Variants in HIKESHI observed in about 807,000 individuals in gnomAD.
HIKESHI encodes the protein heat shock protein nuclear import factor hikeshi, also known as protein Hikeshi.
Under a neutral mutation model 25.7 loss-of-function variants are expected in HIKESHI, and 13 were observed. The ratio of observed to expected loss-of-function variants is 0.51; its 90% CI spans 0.33 to 0.80. The LOEUF (loss-of-function observed/expected upper bound fraction) is 0.80, where lower values mean the gene tolerates loss of function less well. HIKESHI is among the 30% of genes least tolerant of loss of function. The pLI is 0.02. For synonymous variants in HIKESHI, 76 were observed against 78.7 expected (o/e 0.97, Z 0.18); for missense variants, 174 against 229.5 (o/e 0.76, Z 1.56).
intron 2 of HIKESHI, among the ~76,000 whole-genome samples, chr11:86,319,410 G>T (rs1228012472): frequency 6.8e-6 from 1 of 147,164 alleles, no homozygotes; most frequent in Non-Finnish European, 1.5e-5. Flanking sequence ...GCTAATTTGT[G>T]TTTTTTTTTT....
intron 3 of HIKESHI, among the ~76,000 whole-genome samples, chr11:86,341,488 C>CTTTTTTTTTTTTTT (rs112151717): frequency 7.0e-6 from 1 of 142,810 alleles, no homozygotes. Context: ...TGGAATTCTC[C>CTTTTTTTTTTTTTT]TTTTTTTTTT....
At chr11:86,321,277 G>A (rs980996363) in intron 2 of HIKESHI, among the ~76,000 whole-genome samples, 1 of 151,868 alleles carries the variant, frequency 6.6e-6, no homozygotes, top group African/African-American at 2.4e-5. Context: ...TTTATTGCTG[G>A]GTAGTATTCC....
chr11:86,306,160 T>C (rs1730766348), intron 1 of HIKESHI, 85 bp from the exon 2 acceptor site: 1 of 844,422 alleles, frequency 1.2e-6, no homozygotes, highest in Non-Finnish European at 1.9e-6. Flanking sequence ...TGGATTATGC[T>C]GGTAATATAA....
rs1160846136 is a variant in HIKESHI, at chr11:86,306,613, T to C, written c.268+131T>C. 12 of 589,122 alleles carry C rather than the reference T, an allele frequency of 2.0e-5. No homozygotes were observed. The East Asian group carries it at 3.2e-4, about 16-fold the overall frequency. The allele number at this position is 589,122 out of a possible 1,614,324, so 36.5% of individuals were successfully genotyped here. A position where few individuals can be genotyped will look rare whatever the true frequency, so the allele number is the denominator to read the frequency against. On this transcript the variant is annotated intron_variant, in intron 2 of 4. Transcript: ENST00000278483. Reference sequence around the variant, plus strand: ...GTTAAAGTAATACAAAACATTGTTTTTTAAAAAAGACAATACAGAAACATT... The same window carrying C: ...GTTAAAGTAATACAAAACATTGTTTCTTAAAAAAGACAATACAGAAACATT...
At chr11:86,327,079 A>T (rs529267481) in intron 2 of HIKESHI, among the ~76,000 whole-genome samples, 1 of 152,276 alleles carries the variant, frequency 6.6e-6, no homozygotes, top group South Asian at 2.1e-4. Context: ...AACCAAAACA[A>T]AACAAAATGG....
chr11:86,310,992 A>G (rs551287120), intron 2 of HIKESHI, among the ~76,000 whole-genome samples: 18 of 152,226 alleles, frequency 1.2e-4, no homozygotes, highest in Non-Finnish European at 2.4e-4. Context: ...TTTTGCATCG[A>G]TGTTCATCAG....
At position 86,307,028 on chromosome 11, in the gene HIKESHI, T is replaced by A. The variant is rs916747520; in HGVS notation, c.268+546T>A. Among the ~76,000 whole-genome samples, 81 of 143,616 alleles carry A rather than the reference T, an allele frequency of 5.6e-4. 2 individuals are homozygous for A. Among genetic ancestry groups the A allele is most frequent in the African/African-American group, 1.4e-3 (55 of 39,350 alleles). 94.2% of individuals were successfully genotyped at this position (143,616 alleles called of 152,430 possible). ...GAAAAAAAAAATATATATATATATA[T>A]AAATATATATATTATGTATCAAATA... is the stretch of plus-strand genomic sequence containing the variant. On this transcript the variant is annotated intron_variant, in intron 2 of 4. Coordinates refer to ENST00000278483, the MANE Select transcript of HIKESHI (RefSeq NM_016401.4).
Position 86,306,396 on chromosome 11 carries a change from C to G in HIKESHI, c.182C>G (p.Ser61Ter). ...TCTGTCTACTTTTCTTATCCTGATT[C>G]AAATGGAATGCCAGTATGGCAACTC... ...GGSVYFSYPD[S>*]NGMPVWQLLG... Residue 61 changes from serine to a stop codon, truncating the protein, a stop_gained, in exon 2 of 5, where the codon TCA (serine) becomes TGA (stop). Coordinates refer to ENST00000278483, the MANE Select transcript of HIKESHI (RefSeq NM_016401.4). LOFTEE classifies it high-confidence loss of function. The G allele has an allele frequency of 6.2e-7, 1 of 1,614,026 alleles. No homozygotes were observed. The highest frequency in any genetic ancestry group is 8.5e-7 in the Non-Finnish European group (1 of 1,179,910).
chr11:86,323,345 GA>G (rs1286579069), intron 2 of HIKESHI, among the ~76,000 whole-genome samples: 1 of 152,054 alleles, frequency 6.6e-6, no homozygotes, highest in Non-Finnish European at 1.5e-5. Context: ...ATATCAGTTG[GA>G]AAACAGAAAG....
chr11:86,306,310 T>A lies in HIKESHI; in HGVS notation c.96T>A (p.Ser32Arg). The A allele has an allele frequency of 6.2e-7, 1 of 1,614,142 alleles. No homozygotes were observed. Reference protein sequence around the residue: ...KFVFDLPDYESINHVVVFMLG... With the variant: ...KFVFDLPDYERINHVVVFMLG... ...TTTTTGACTTACCTGATTATGAAAGTATCAACCATGTTGTGGTTTTTATGC... is the reference window on the plus strand; with the variant it reads ...TTTTTGACTTACCTGATTATGAAAGAATCAACCATGTTGTGGTTTTTATGC... Residue 32 changes from serine (S) to arginine (R), a missense_variant, in exon 2 of 5, where the codon AGT (serine) becomes AGA (arginine). Transcript: ENST00000278483.
At chr11:86,319,444 A>T (rs1947095910) in intron 2 of HIKESHI, among the ~76,000 whole-genome samples, 1 of 148,700 alleles carries the variant, frequency 6.7e-6, no homozygotes, top group South Asian at 2.1e-4. Context: ...GTTTGTAGAG[A>T]TGGGGTTTTG....
chr11:86,318,321 A>AAAAAAAAAAAAAAAAAAAAAAAAAAAAAC (rs1947049941), intron 2 of HIKESHI, among the ~76,000 whole-genome samples: 1 of 148,576 alleles, frequency 6.7e-6, no homozygotes. Context: ...AAAAAAAAAA[A>AAAAAAAAAAAAAAAAAAAAAAAAAAAAAC]AATCCTGAAT....
At chr11:86,318,465 A>G (rs997002391) in intron 2 of HIKESHI, among the ~76,000 whole-genome samples, 5 of 152,048 alleles carry the variant, frequency 3.3e-5, no homozygotes, top group East Asian at 1.9e-4. Context: ...CATATTTTCT[A>G]TAATTTTCAG....
At chr11:86,305,158 C>T (rs1360648175) in intron 1 of HIKESHI, among the ~76,000 whole-genome samples, 1 of 151,668 alleles carries the variant, frequency 6.6e-6, no homozygotes, top group Non-Finnish European at 1.5e-5. Context: ...TGCCACCACC[C>T]CTGGCTAATT....
chr11:86,316,319 C>A (rs1396788648), intron 2 of HIKESHI, among the ~76,000 whole-genome samples: 1 of 150,772 alleles, frequency 6.6e-6, no homozygotes, highest in Non-Finnish European at 1.5e-5. Context: ...CAAGACCAGC[C>A]TGGCCAACAT....
intron 2 of HIKESHI, among the ~76,000 whole-genome samples, chr11:86,321,577 A>G (rs1407220648): frequency 6.6e-6 from 1 of 151,402 alleles, no homozygotes; most frequent in Non-Finnish European, 1.5e-5. Flanking sequence ...TTGCCCAGGC[A>G]GGAGTGCAGT....
At chr11:86,317,595 G>A (rs35107993) in intron 2 of HIKESHI, among the ~76,000 whole-genome samples, 10 of 152,064 alleles carry the variant, frequency 6.6e-5, no homozygotes, top group Admixed American at 2.6e-4. Flanking sequence ...ACCTGAGGTG[G>A]GGAGTTCGAG....
At chr11:86,308,483 A>G (rs986286948) in intron 2 of HIKESHI, among the ~76,000 whole-genome samples, 6 of 148,668 alleles carry the variant, frequency 4.0e-5, no homozygotes, top group Admixed American at 6.8e-5. Context: ...TCTTCCGTTA[A>G]GATTGTTGAA....
chr11:86,343,383 C>T (rs1350097351), intron 3 of HIKESHI: 1 of 151,312 alleles, frequency 6.6e-6, no homozygotes, highest in Admixed American at 6.6e-5. Flanking sequence ...GCCTGTAACT[C>T]TAGCACTTTG....
Sources: gnomAD v4.1 joint callset for allele counts (sites outside exome capture counted in the v4.1 genomes callset) on GRCh38, gnomAD v4.1.1 for gene constraint, MANE v1.5 for transcripts, NCBI Gene and HGNC (gene_info 2026-07-23, HGNC 2026-07-21) for gene names.